The following CACNA1B variants were observed in gnomAD, a reference collection of about 807,000 sequenced individuals.
CACNA1B encodes calcium voltage-gated channel subunit alpha1 B.
A neutral mutation model predicts 247.2 loss-of-function variants in CACNA1B; 70 were observed. That is an observed-to-expected ratio of 0.28 (90% CI 0.23 to 0.35). The LOEUF (loss-of-function observed/expected upper bound fraction) is 0.35, where lower values mean the gene tolerates loss of function less well. Among genes scored for constraint, CACNA1B ranks in the 10% least tolerant of loss-of-function variants. The pLI, the probability that CACNA1B is intolerant of heterozygous loss-of-function variation, is 1.00. For missense variants in CACNA1B, 2,367 were observed against 3,197.4 expected (o/e 0.74, Z 6.26); for synonymous variants, 1,231 against 1,294.4 (o/e 0.95, Z 1.05).
At position 138,121,398 on chromosome 9, in the gene CACNA1B, G is replaced by T; in HGVS notation, c.6490-71G>T. On this transcript the variant is annotated intron_variant, in intron 46 of 46. Coordinates refer to ENST00000371372, the MANE Select transcript of CACNA1B (RefSeq NM_000718.4). This position sits in a 1 kb window ranked among gnomAD's most constrained non-coding sequence, Gnocchi z 6.8. ...CCCCCCAGGCACCTGTGTGTGATGTGCTCTGTCTGTTGGTTCGGCTTTTTT... is the reference window on the plus strand; with the variant it reads ...CCCCCCAGGCACCTGTGTGTGATGTTCTCTGTCTGTTGGTTCGGCTTTTTT... 1 of 1,236,106 alleles carries T rather than the reference G, an allele frequency of 8.1e-7. No individual in the cohort carries two copies. The highest frequency in any genetic ancestry group is 1.1e-6 in the Non-Finnish European group (1 of 904,302). 76.6% of individuals were successfully genotyped at this position (1,236,106 alleles called of 1,614,324 possible).
chr9:137,909,846 C>T (rs922259604), intron 3 of CACNA1B, among the ~76,000 whole-genome samples: 3 of 152,116 alleles, frequency 2.0e-5, no homozygotes, highest in African/African-American at 7.2e-5. Flanking sequence ...TCTCAGCTCA[C>T]TGCAACCTCC....
chr9:138,023,567 G>A lies in CACNA1B; in HGVS notation c.2824G>A (p.Asp942Asn). 9.1e-7 allele frequency: 1 copy of A among 1,093,154 alleles called. No homozygotes were observed. The highest frequency in any genetic ancestry group is 3.0e-5 in the South Asian group (1 of 33,752). 67.7% of individuals were successfully genotyped at this position (1,093,154 alleles called of 1,614,324 possible). A position where few individuals can be genotyped will look rare whatever the true frequency, so the allele number is the denominator to read the frequency against. Residue 942 changes from aspartate to asparagine, a missense_variant, in exon 19 of 47, where the codon GAT (aspartate) becomes AAT (asparagine). By Grantham distance (23) the Asp-to-Asn change is conservative (BLOSUM62 1). Around this residue, in one of 12 missense-constraint regions of CACNA1B, gnomAD observed 631 missense variants for 631.1 expected, o/e 1.00. Coordinates refer to ENST00000371372, the MANE Select transcript of CACNA1B (RefSeq NM_000718.4). ...PRRHRAHRHQDPSKECAGAKG... is the reference protein window; with the variant it reads ...PRRHRAHRHQNPSKECAGAKG... ...ACGCCACCGCGCGCACCGGCACCAG[G>A]ATCCGAGCAAGGAGTGCGCCGGCGC... is the stretch of plus-strand genomic sequence containing the variant.
chr9:137,926,316 C>A (rs551873294), intron 6 of CACNA1B, among the ~76,000 whole-genome samples: 117 of 152,240 alleles, frequency 7.7e-4, no homozygotes, highest in African/African-American at 2.7e-3. Context: ...GATCCACCTG[C>A]CTCAGCCTCC....
At chr9:138,022,807 G>GT (rs1554748665) in intron 18 of CACNA1B, among the ~76,000 whole-genome samples, 1,882 of 70,592 alleles carry the variant, frequency 0.027, 115 homozygotes, top group Admixed American at 0.15. Context: ...GGACACCGTG[G>GT]GGGGGGGGGG....
rs952643440 is a variant in CACNA1B, at chr9:137,954,435, C to T, written c.1071-1263C>T. ...TTCTCACCCAGCGAGGACAGAAGCT[C>T]AGGGAGGGCTGGCCCTGCTGCCGGC... On this transcript the variant is annotated intron_variant, in intron 7 of 46. Coordinates refer to ENST00000371372, the MANE Select transcript of CACNA1B (RefSeq NM_000718.4). The surrounding 1 kb of genome is among the most constrained non-coding windows in gnomAD (Gnocchi z 4.1). Among the ~76,000 whole-genome samples the T allele has an allele frequency of 6.6e-6, 1 of 152,198 alleles. No homozygotes were observed. Among genetic ancestry groups the T allele is most frequent in the Non-Finnish European group, 1.5e-5 (1 of 68,028 alleles).
At chr9:137,948,780 A>ATGTGTGTGGTGTGTG (rs1318293928) in intron 6 of CACNA1B, among the ~76,000 whole-genome samples, 9 of 126,318 alleles carry the variant, frequency 7.1e-5, no homozygotes, top group Admixed American at 1.6e-4. Context: ...TGCATGTGGT[A>ATGTGTGTGGTGTGTG]TGTGTGTGGT....
In CACNA1B at chr9:138,047,182, G is replaced by A. The variant is rs368367090; in HGVS notation, c.3543+149G>A. ...TCTGTCTGTGTGCCTGGCAGTGCAC[G>A]ACCAAAGGTCTGGAGACAGGAAGAC... On this transcript the variant is annotated intron_variant, in intron 22 of 46. Coordinates refer to ENST00000371372, the MANE Select transcript of CACNA1B (RefSeq NM_000718.4). 138 of 836,858 alleles carry A rather than the reference G, an allele frequency of 1.6e-4. No individual in the cohort carries two copies. In the East Asian group the frequency reaches 2.1e-3, roughly 12 times the overall value. The allele number at this position is 836,858 out of a possible 1,614,324, so 51.8% of individuals were successfully genotyped here.
intron 10 of CACNA1B, among the ~76,000 whole-genome samples, chr9:137,958,029 C>T (rs750013311): frequency 2.0e-5 from 3 of 152,228 alleles, no homozygotes; most frequent in African/African-American, 4.8e-5. Context: ...AGAGCTGTGT[C>T]GGTTCCCTTC....
Position 137,880,520 on chromosome 9 carries a change from G to A in CACNA1B, c.390+1361G>A, listed in dbSNP as rs892615127. On this transcript the variant is annotated intron_variant, in intron 2 of 46. Transcript: ENST00000371372. This position sits in a 1 kb window ranked among gnomAD's most constrained non-coding sequence, Gnocchi z 4.8. Reference sequence around the variant, plus strand: ...GCAGGCCCAGGAGCCAGGCCGGGGCGGGGGCAGGGAGGATCAAGCTGTCTT... The same window carrying A: ...GCAGGCCCAGGAGCCAGGCCGGGGCAGGGGCAGGGAGGATCAAGCTGTCTT... 5.9e-5 allele frequency among the ~76,000 whole-genome samples: 9 copies of A among 152,152 alleles called. No homozygotes were observed. Among genetic ancestry groups the A allele is most frequent in the East Asian group, 1.9e-4 (1 of 5,186 alleles).
rs78976448 is a variant in CACNA1B at position 137,998,164 on chromosome 9, G to A, written c.1975-8603G>A. ...GAGAGGAATGAGACTGGGGAGTTCT[G>A]GCCACATTCTGATGTTTTATTTCTT... On this transcript the variant is annotated intron_variant, in intron 15 of 46. Coordinates refer to ENST00000371372, the MANE Select transcript of CACNA1B (RefSeq NM_000718.4). 8.2e-3 allele frequency among the ~76,000 whole-genome samples: 1,252 copies of A among 152,194 alleles called. 8 individuals carry two copies. The highest frequency in any genetic ancestry group is 0.013 in the Non-Finnish European group (862 of 68,000).
At chr9:137,969,938 C>T (rs1958125699) in intron 10 of CACNA1B, among the ~76,000 whole-genome samples, 1 of 152,152 alleles carries the variant, frequency 6.6e-6, no homozygotes, top group Admixed American at 6.5e-5. Flanking sequence ...TGGCCACATG[C>T]CACTGAGAGC....
In CACNA1B at chr9:137,880,190, C is replaced by A. The variant is rs1412348918; in HGVS notation, c.390+1031C>A. Reference sequence around the variant, plus strand: ...GGAGTGCAGAAGGGGAGACAGGGAGCCTGTCCTGGAGGTGAGGCACCAGGA... The same window carrying A: ...GGAGTGCAGAAGGGGAGACAGGGAGACTGTCCTGGAGGTGAGGCACCAGGA... On this transcript the variant is annotated intron_variant, in intron 2 of 46. Transcript: ENST00000371372. The surrounding 1 kb of genome is among the most constrained non-coding windows in gnomAD (Gnocchi z 4.8). Among the ~76,000 whole-genome samples the A allele has an allele frequency of 1.3e-5, 2 of 151,628 alleles. No individual in the cohort carries two copies. Among genetic ancestry groups the A allele is most frequent in the African/African-American group, 4.8e-5 (2 of 41,248 alleles).
At chr9:138,098,707 A>G (rs1279869763) in intron 37 of CACNA1B, among the ~76,000 whole-genome samples, 2 of 152,158 alleles carry the variant, frequency 1.3e-5, no homozygotes, top group Admixed American at 1.3e-4. Context: ...CTTAGAAGAC[A>G]TAGGCAGTCG....
At chr9:138,079,702 C>CATTGTACTCCA (rs1375786068) in intron 36 of CACNA1B, among the ~76,000 whole-genome samples, 17 of 140,172 alleles carry the variant, frequency 1.2e-4, no homozygotes, top group African/African-American at 4.6e-4. Context: ...GAGATCGCGC[C>CATTGTACTCCA]ATTGTACTCC....
At chr9:137,894,446 G>T (rs146294441) in intron 3 of CACNA1B, among the ~76,000 whole-genome samples, 1 of 151,166 alleles carries the variant, frequency 6.6e-6, no homozygotes, top group African/African-American at 2.4e-5. Context: ...ATGGAGTCTC[G>T]CTCTGTCATC....
chr9:137,978,544 G>T (rs1958256372), intron 12 of CACNA1B, among the ~76,000 whole-genome samples: 1 of 152,166 alleles, frequency 6.6e-6, no homozygotes, highest in Non-Finnish European at 1.5e-5. Flanking sequence ...AAGGAGTGGG[G>T]AGTAGGAGTG....
intron 10 of CACNA1B, among the ~76,000 whole-genome samples, chr9:137,967,609 C>G (rs556825187): frequency 2.0e-5 from 3 of 152,342 alleles, no homozygotes; most frequent in Admixed American, 6.5e-5. Context: ...TGGTGGCTGA[C>G]TCTTCGAGTT....
intron 20 of CACNA1B, among the ~76,000 whole-genome samples, chr9:138,037,730 G>A (rs1457106699): frequency 6.6e-6 from 1 of 152,120 alleles, no homozygotes; most frequent in Admixed American, 6.5e-5. Flanking sequence ...CCAGGTGGTG[G>A]TGTACACTTC....
chr9:137,910,567 G>A (rs934063503), intron 3 of CACNA1B, among the ~76,000 whole-genome samples: 1 of 152,166 alleles, frequency 6.6e-6, no homozygotes, highest in East Asian at 1.9e-4. Flanking sequence ...GTCAGTGGGA[G>A]CCCTGAGATT....
Sources: gnomAD v4.1 joint callset for allele counts (sites outside exome capture counted in the v4.1 genomes callset) on GRCh38, gnomAD v4.1.1 for gene constraint, gnomAD v4.1.1 regional missense constraint, Gnocchi (gnomAD v3.1) non-coding constraint, MANE v1.5 for transcripts, NCBI Gene and HGNC (gene_info 2026-07-23, HGNC 2026-07-21) for gene names.